PPA2: variants seen among roughly 807,000 people sequenced by gnomAD.
The protein encoded by PPA2 is inorganic pyrophosphatase 2, also known as inorganic pyrophosphatase 2, mitochondrial.
Under a neutral mutation model 49.5 loss-of-function variants are expected in PPA2, and 48 were observed. The ratio of observed to expected loss-of-function variants is 0.97; its 90% CI spans 0.77 to 1.23. The LOEUF (loss-of-function observed/expected upper bound fraction) is 1.23. PPA2 is among the 50% of genes most tolerant of loss of function. PPA2 has a pLI of 0.00. For synonymous variants in PPA2, 131 were observed against 139.9 expected, an observed-to-expected ratio of 0.94 and a Z score of 0.45; for missense variants, 429 against 410.1, an observed-to-expected ratio of 1.05 and a Z score of -0.40.
chr4:105,386,479 C>T lies in PPA2; in HGVS notation c.939+88G>A, dbSNP rs868701276. 8.3e-6 allele frequency: 10 copies of T among 1,206,856 alleles called. No individual in the cohort carries two copies. The Middle Eastern group carries it at 1.4e-3, about 171-fold the overall frequency. The allele number at this position is 1,206,856 out of a possible 1,614,324, so 74.8% of individuals were successfully genotyped here. A position where few individuals can be genotyped will look rare whatever the true frequency, so the allele number is the denominator to read the frequency against. The stretch of plus-strand genomic sequence containing the variant: ...TTATGCTTCTCAAAAGGACTTGACA[C>T]ATTTCATTGCTAGAGATTTCAGAAT... On this transcript the variant is annotated intron_variant, in intron 10 of 11. Coordinates refer to ENST00000341695, the MANE Select transcript of PPA2 (RefSeq NM_176869.3).
chr4:105,432,047 C>T (rs1224290355), intron 6 of PPA2, among the ~76,000 whole-genome samples: 1 of 152,142 alleles, frequency 6.6e-6, no homozygotes, highest in Non-Finnish European at 1.5e-5. Context: ...TTAACTGCCA[C>T]TAATTTTAAT....
At chr4:105,441,742 G>C (rs1254703282) in intron 5 of PPA2, among the ~76,000 whole-genome samples, 2 of 152,102 alleles carry the variant, frequency 1.3e-5, no homozygotes, top group Non-Finnish European at 2.9e-5. Flanking sequence ...CTATAAAAAT[G>C]AATAAATCAG....
chr4:105,408,080 T>C (rs1722567694), intron 7 of PPA2, among the ~76,000 whole-genome samples: 2 of 100,992 alleles, frequency 2.0e-5, no homozygotes, highest in African/African-American at 7.0e-5. Context: ...GGCGGGTAGA[T>C]AAGGAAACAA....
chr4:105,389,903 G>A (rs750647076), intron 9 of PPA2, among the ~76,000 whole-genome samples: 11 of 152,082 alleles, frequency 7.2e-5, no homozygotes, highest in Non-Finnish European at 1.2e-4. Flanking sequence ...TGGAATAAAT[G>A]TACACAAAGC....
chr4:105,398,601 C>T (rs1274752367), intron 8 of PPA2: 1 of 153,310 alleles, frequency 6.5e-6, no homozygotes, highest in African/African-American at 2.4e-5. Flanking sequence ...AATCCTATGA[C>T]AGTAAGATAA....
At chr4:105,404,037 T>C (rs183537059) in intron 7 of PPA2, among the ~76,000 whole-genome samples, 1 of 152,150 alleles carries the variant, frequency 6.6e-6, no homozygotes. Flanking sequence ...ATAGTAATGA[T>C]ATGACTTCAA....
At chr4:105,385,252 C>T (rs147651129) in intron 10 of PPA2, among the ~76,000 whole-genome samples, 83 of 152,240 alleles carry the variant, frequency 5.5e-4, no homozygotes, top group African/African-American at 1.8e-3. Flanking sequence ...CTCTCTGAAA[C>T]GTTCATTATT....
At chr4:105,441,773 AC>A (rs1368658893) in intron 5 of PPA2, among the ~76,000 whole-genome samples, 1 of 152,212 alleles carries the variant, frequency 6.6e-6, no homozygotes, top group Non-Finnish European at 1.5e-5. Flanking sequence ...TTATTGTTAT[AC>A]CCTAAAACAA....
intron 9 of PPA2, among the ~76,000 whole-genome samples, chr4:105,394,373 C>CAAAAAA (rs34736301): frequency 9.3e-5 from 9 of 96,856 alleles, no homozygotes; most frequent in Admixed American, 4.9e-4. Flanking sequence ...GATTCCATTT[C>CAAAAAA]AAAAAAAAAA....
At chr4:105,433,588 A>G (rs1157263821) in intron 6 of PPA2, among the ~76,000 whole-genome samples, 1 of 152,242 alleles carries the variant, frequency 6.6e-6, no homozygotes, top group Non-Finnish European at 1.5e-5. Flanking sequence ...TAATAGCTAA[A>G]GCTACATCTG....
Position 105,399,159 on chromosome 4 carries a change from C to T in PPA2, c.661G>A (p.Asp221Asn). ...DPEASKFHDI[D>N]DVKKFKPGYL... The stretch of plus-strand genomic sequence containing the variant: ...CCCGGTTTGAACTTCTTAACATCAT[C>T]AATATCTGTAAAGAAAAAAACAAAA... Residue 221 changes from aspartate to asparagine, a missense_variant, in exon 8 of 12, where the codon GAT becomes AAT. By Grantham distance (23) the Asp-to-Asn change is conservative. Transcript: ENST00000341695. 1 of 1,587,776 alleles carries T rather than the reference C, an allele frequency of 6.3e-7. No homozygotes were observed. The highest frequency in any genetic ancestry group is 8.5e-7 in the Non-Finnish European group (1 of 1,172,594).
intron 1 of PPA2, among the ~76,000 whole-genome samples, chr4:105,470,242 T>G (rs1723465908): frequency 6.6e-6 from 1 of 152,236 alleles, no homozygotes; most frequent in Non-Finnish European, 1.5e-5. Flanking sequence ...CATGCAGCAT[T>G]AGGTCTTTGG....
intron 10 of PPA2, among the ~76,000 whole-genome samples, chr4:105,377,329 T>C (rs1733297126): frequency 1.3e-5 from 2 of 152,298 alleles, no homozygotes; most frequent in South Asian, 4.1e-4. Flanking sequence ...CCAACATTTA[T>C]TGAATACCTT....
chr4:105,369,696 T>A lies in PPA2; in HGVS notation c.*29A>T, dbSNP rs1402758492. ...CACTTGGAGTCCTTAGAGATGGGAA[T>A]CTTGACAGCAGAATTTCAGATGTTT... is the stretch of plus-strand genomic sequence containing the variant. On this transcript the variant is annotated 3_prime_UTR_variant, in exon 12 of 12. Transcript: ENST00000341695. 6.4e-7 allele frequency: 1 copy of A among 1,561,844 alleles called. No homozygotes were observed. Among genetic ancestry groups the A allele is most frequent in the African/African-American group, 1.4e-5 (1 of 73,752 alleles).
intron 6 of PPA2, 83 bp from the exon 7 acceptor site, chr4:105,424,405 A>C: frequency 2.4e-6 from 3 of 1,237,360 alleles, no homozygotes; most frequent in Non-Finnish European, 3.2e-6. Flanking sequence ...AAAGATTAAA[A>C]GAACTACAGA....
intron 3 of PPA2, among the ~76,000 whole-genome samples, chr4:105,449,941 A>G (rs1722595950): frequency 6.6e-6 from 1 of 152,240 alleles, no homozygotes; most frequent in African/African-American, 2.4e-5. Flanking sequence ...AAGTACAGCT[A>G]TTACAGAGTT....
chr4:105,431,486 A>C (rs1323621669), intron 6 of PPA2, among the ~76,000 whole-genome samples: 1 of 152,194 alleles, frequency 6.6e-6, no homozygotes, highest in Non-Finnish European at 1.5e-5. Context: ...GGAATCCTTG[A>C]ATATTGTTCG....
At chr4:105,453,543 G>A in intron 3 of PPA2, 55 bp downstream of exon 3, 3 of 1,289,114 alleles carry the variant, frequency 2.3e-6, no homozygotes, top group Non-Finnish European at 3.2e-6. Context: ...TATCATCAAG[G>A]TATTTAACAG....
intron 7 of PPA2, among the ~76,000 whole-genome samples, chr4:105,417,622 T>A (rs1452535872): frequency 6.6e-6 from 1 of 151,698 alleles, no homozygotes; most frequent in Non-Finnish European, 1.5e-5. Context: ...GGTAATTTAA[T>A]TCCATCTCAA....
Sources: allele counts gnomAD v4.1 joint callset (sites outside exome capture counted in the v4.1 genomes callset), GRCh38; gene constraint gnomAD v4.1.1; transcripts MANE v1.5; gene names NCBI Gene and HGNC (gene_info 2026-07-23, HGNC 2026-07-21).